The following NRG3 variants were observed in gnomAD, a reference collection of about 807,000 sequenced individuals.
NRG3 encodes the protein pro-neuregulin-3, membrane-bound isoform.
NRG3 carries 31 observed loss-of-function variants against 66.9 expected under a neutral mutation model. The observed-to-expected ratio is 0.46, with a 90% CI of 0.35 to 0.63. The LOEUF (loss-of-function observed/expected upper bound fraction) is 0.63. Among genes scored for constraint, NRG3 ranks in the 20% least tolerant of loss-of-function variants. The probability of loss-of-function intolerance (pLI) is 0.00; values close to 1 mark genes in which losing one functional copy is unlikely to be tolerated. For missense variants in NRG3, 910 were observed against 878.9 expected (o/e 1.04, Z -0.45); for synonymous variants, 393 against 359.4 (o/e 1.09, Z -1.06).
intron 1 of NRG3, among the ~76,000 whole-genome samples, chr10:82,274,109 A>C (rs901802891): frequency 6.6e-6 from 1 of 152,092 alleles, no homozygotes; most frequent in Non-Finnish European, 1.5e-5. Context: ...GAAAGAATAC[A>C]TTTCTCAGAA....
intron 1 of NRG3, among the ~76,000 whole-genome samples, chr10:82,291,765 A>G (rs754427681): frequency 3.0e-4 from 45 of 152,220 alleles, no homozygotes; most frequent in Non-Finnish European, 6.2e-4. Context: ...AGGAAAAACA[A>G]TCAAACAAAC....
intron 4 of NRG3, among the ~76,000 whole-genome samples, chr10:82,899,842 G>A (rs1165725189): frequency 6.6e-6 from 1 of 152,152 alleles, no homozygotes; most frequent in Non-Finnish European, 1.5e-5. Flanking sequence ...ATAGTAGAAG[G>A]TAGAAGAAAT....
chr10:82,195,503 A>G (rs539586019), intron 1 of NRG3, among the ~76,000 whole-genome samples: 2 of 152,242 alleles, frequency 1.3e-5, no homozygotes, highest in South Asian at 4.1e-4. Flanking sequence ...GGAAAGTTCA[A>G]TCGAACAAGC....
intron 1 of NRG3, among the ~76,000 whole-genome samples, chr10:82,076,209 G>C (rs937731704): frequency 6.6e-5 from 10 of 152,120 alleles, no homozygotes; most frequent in Non-Finnish European, 1.3e-4. Context: ...CACAGTGCAG[G>C]TCTTAAGTAA....
chr10:81,996,694 G>T (rs2060951922), intron 1 of NRG3, among the ~76,000 whole-genome samples: 1 of 151,922 alleles, frequency 6.6e-6, no homozygotes, highest in South Asian at 2.1e-4. Flanking sequence ...GAGGAAGGAG[G>T]AGGCAGGAGA....
At chr10:82,300,951 C>T (rs532030593) in intron 1 of NRG3, among the ~76,000 whole-genome samples, 1 of 151,722 alleles carries the variant, frequency 6.6e-6, no homozygotes, top group Non-Finnish European at 1.5e-5. Context: ...GGCAACCTAC[C>T]AAGACCCCCA....
chr10:82,948,492 A>G (rs992391900), intron 4 of NRG3, among the ~76,000 whole-genome samples: 7 of 152,218 alleles, frequency 4.6e-5, no homozygotes, highest in African/African-American at 1.7e-4. Flanking sequence ...CTGAGATTTT[A>G]ATAGCATTGC....
At chr10:82,690,220 A>G (rs2054816012) in intron 2 of NRG3, among the ~76,000 whole-genome samples, 1 of 152,146 alleles carries the variant, frequency 6.6e-6, no homozygotes, top group East Asian at 1.9e-4. Context: ...AGAATCTCAT[A>G]TAGAGAGAAA....
intron 1 of NRG3, among the ~76,000 whole-genome samples, chr10:81,979,695 C>T (rs184270604): frequency 9.8e-5 from 15 of 152,292 alleles, no homozygotes; most frequent in East Asian, 9.6e-4. Context: ...CATATACATA[C>T]GGACTCACAT....
At chr10:82,033,345 T>G (rs1472718914) in intron 1 of NRG3, among the ~76,000 whole-genome samples, 1 of 152,164 alleles carries the variant, frequency 6.6e-6, no homozygotes, top group Non-Finnish European at 1.5e-5. Context: ...CATTGTTCCC[T>G]CTTTATTGGA....
At chr10:82,150,526 C>CAAAAAAAAAAAAAAAAAAAAA (rs2070637635) in intron 1 of NRG3, among the ~76,000 whole-genome samples, 3 of 17,152 alleles carry the variant, frequency 1.7e-4, no homozygotes, top group African/African-American at 3.0e-4. Flanking sequence ...AAAAAGAGCA[C>CAAAAAAAAAAAAAAAAAAAAA]ACACAAAAAA....
intron 1 of NRG3, among the ~76,000 whole-genome samples, chr10:81,927,995 G>A (rs1846974801): frequency 6.6e-6 from 1 of 152,008 alleles, no homozygotes; most frequent in Non-Finnish European, 1.5e-5. Flanking sequence ...ATAATAAATT[G>A]GTTTTTACAT....
intron 3 of NRG3, among the ~76,000 whole-genome samples, chr10:82,805,285 G>A (rs899024025): frequency 3.3e-5 from 5 of 152,014 alleles, no homozygotes; most frequent in Non-Finnish European, 4.4e-5. Context: ...AGATACCATC[G>A]GACATTCCTT....
intron 1 of NRG3, among the ~76,000 whole-genome samples, chr10:82,294,486 G>C (rs1207743123): frequency 1.3e-5 from 2 of 151,084 alleles, no homozygotes; most frequent in African/African-American, 4.9e-5. Context: ...TGAAAGTTTG[G>C]CAGTTACACA....
intron 2 of NRG3, among the ~76,000 whole-genome samples, chr10:82,625,712 G>A (rs2049372693): frequency 6.6e-6 from 1 of 152,132 alleles, no homozygotes; most frequent in Non-Finnish European, 1.5e-5. Flanking sequence ...TCTTATCTGA[G>A]TTGGTGGCAG....
chr10:82,271,566 C>T (rs1447991983), intron 1 of NRG3, among the ~76,000 whole-genome samples: 1 of 152,004 alleles, frequency 6.6e-6, no homozygotes, highest in Admixed American at 6.6e-5. Context: ...TAGTTATACA[C>T]ACATAATGTC....
Position 82,773,544 on chromosome 10 carries a change from AT to A in NRG3, c.1027+34898del, listed in dbSNP as rs2059791822. Among the ~76,000 whole-genome samples, 3 of 151,922 alleles carry A rather than the reference AT, an allele frequency of 2.0e-5. No individual in the cohort carries two copies. In the South Asian group the frequency reaches 6.2e-4, roughly 32 times the overall value. On this transcript the variant is annotated intron_variant, in intron 3 of 8. Coordinates refer to ENST00000372141, the MANE Select transcript of NRG3 (RefSeq NM_001010848.4). ...TTCCACATTTGTAGATTGCCTTTTC[AT>A]TTTGTTGATTGTTTCATTTGCTGTG... is the stretch of plus-strand genomic sequence containing the variant.
At chr10:81,964,719 T>TA (rs2059665447) in intron 1 of NRG3, among the ~76,000 whole-genome samples, 1 of 152,196 alleles carries the variant, frequency 6.6e-6, no homozygotes, top group Non-Finnish European at 1.5e-5. Flanking sequence ...GTCAACCCCC[T>TA]ACCACACGGC....
At chr10:82,010,666 T>C (rs987305509) in intron 1 of NRG3, among the ~76,000 whole-genome samples, 3 of 152,180 alleles carry the variant, frequency 2.0e-5, no homozygotes, top group African/African-American at 7.2e-5. Flanking sequence ...CTGCTACAAT[T>C]TCCTGAATTA....
Sources: gnomAD v4.1 joint callset for allele counts (sites outside exome capture counted in the v4.1 genomes callset) on GRCh38, gnomAD v4.1.1 for gene constraint, MANE v1.5 for transcripts, NCBI Gene and HGNC (gene_info 2026-07-23, HGNC 2026-07-21) for gene names.